Variants in ZFPM2 observed in about 807,000 individuals in gnomAD.
ZFPM2 encodes the protein zinc finger protein, FOG family member 2.
Under a neutral mutation model 98.6 loss-of-function variants are expected in ZFPM2, and 20 were observed. The ratio of observed to expected loss-of-function variants is 0.20; its 90% CI spans 0.14 to 0.29. The LOEUF (loss-of-function observed/expected upper bound fraction) is 0.29, where lower values mean the gene tolerates loss of function less well. ZFPM2 is among the 10% of genes least tolerant of loss of function. The pLI is 1.00. For missense variants in ZFPM2, 1,310 were observed against 1,388.6 expected (o/e 0.94, Z 0.90); for synonymous variants, 518 against 502.7 (o/e 1.03, Z -0.41).
chr8:105,451,916 A>T (rs1332243564), intron 3 of ZFPM2, among the ~76,000 whole-genome samples: 1 of 152,224 alleles, frequency 6.6e-6, no homozygotes. Context: ...AAATATGTTC[A>T]CAAAAATATA....
chr8:105,476,404 A>G (rs1209953339), intron 3 of ZFPM2, among the ~76,000 whole-genome samples: 1 of 152,188 alleles, frequency 6.6e-6, no homozygotes, highest in African/African-American at 2.4e-5. Flanking sequence ...GCTCCTTATG[A>G]TAATCTAACT....
chr8:105,685,146 A>G (rs1403866290), intron 5 of ZFPM2, among the ~76,000 whole-genome samples: 3 of 152,120 alleles, frequency 2.0e-5, no homozygotes, highest in Non-Finnish European at 4.4e-5. Flanking sequence ...GACACGGGAA[A>G]TGTTCTATTT....
intron 5 of ZFPM2, among the ~76,000 whole-genome samples, chr8:105,786,856 G>A (rs1813428864): frequency 6.6e-6 from 1 of 152,180 alleles, no homozygotes; most frequent in Non-Finnish European, 1.5e-5. Flanking sequence ...GGGCACCTGA[G>A]TCCAACTCTT....
intron 1 of ZFPM2, among the ~76,000 whole-genome samples, chr8:105,413,356 T>C (rs540815899): frequency 6.6e-6 from 1 of 151,760 alleles, no homozygotes; most frequent in Non-Finnish European, 1.5e-5. Flanking sequence ...TGTAGAGTTT[T>C]GATATATTTG....
intron 5 of ZFPM2, among the ~76,000 whole-genome samples, chr8:105,647,237 G>T (rs912794499): frequency 1.3e-5 from 2 of 152,082 alleles, no homozygotes; most frequent in African/African-American, 2.4e-5. Flanking sequence ...TGTATAATCT[G>T]CCCTGTCTCT....
At chr8:105,779,588 G>A (rs1022215072) in intron 5 of ZFPM2, among the ~76,000 whole-genome samples, 13 of 152,102 alleles carry the variant, frequency 8.5e-5, no homozygotes, top group Admixed American at 7.2e-4. Context: ...AGGTATGGTC[G>A]AACAATATAA....
intron 5 of ZFPM2, among the ~76,000 whole-genome samples, chr8:105,773,712 T>C (rs1813036149): frequency 6.6e-6 from 1 of 150,948 alleles, no homozygotes; most frequent in Non-Finnish European, 1.5e-5. Flanking sequence ...ATAAATAAAA[T>C]AAACAAAACC....
chr8:105,442,298 C>T (rs1250535443), intron 2 of ZFPM2, among the ~76,000 whole-genome samples: 1 of 152,074 alleles, frequency 6.6e-6, no homozygotes, highest in African/African-American at 2.4e-5. Context: ...GAGCCGAGAT[C>T]GCGCCACTGC....
chr8:105,757,173 G>C (rs1812620720), intron 5 of ZFPM2, among the ~76,000 whole-genome samples: 1 of 152,088 alleles, frequency 6.6e-6, no homozygotes, highest in African/African-American at 2.4e-5. Context: ...ATTGCTCCCT[G>C]AGAGAATACT....
At chr8:105,594,298 A>C (rs1197665230) in intron 4 of ZFPM2, among the ~76,000 whole-genome samples, 1 of 152,084 alleles carries the variant, frequency 6.6e-6, no homozygotes, top group Admixed American at 6.6e-5. Flanking sequence ...AATTTCTAGA[A>C]GATTCCTTAT....
At chr8:105,566,280 C>A (rs2130710305) in intron 4 of ZFPM2, among the ~76,000 whole-genome samples, 1 of 152,110 alleles carries the variant, frequency 6.6e-6, no homozygotes, top group Non-Finnish European at 1.5e-5. Flanking sequence ...AAAATTGATA[C>A]CAGTGAGGGA....
At chr8:105,569,075 C>T (rs1815301728) in intron 4 of ZFPM2, among the ~76,000 whole-genome samples, 1 of 152,096 alleles carries the variant, frequency 6.6e-6, no homozygotes, top group African/African-American at 2.4e-5. Context: ...TCTCTGAAGC[C>T]TCCTGTCTGG....
chr8:105,452,626 C>T (rs1270790650), intron 3 of ZFPM2, among the ~76,000 whole-genome samples: 1 of 151,850 alleles, frequency 6.6e-6, no homozygotes, highest in Non-Finnish European at 1.5e-5. Flanking sequence ...GTGACTGGCA[C>T]CTGTGGTCCA....
At chr8:105,480,627 A>C (rs1389170821) in intron 3 of ZFPM2, among the ~76,000 whole-genome samples, 2 of 152,224 alleles carry the variant, frequency 1.3e-5, no homozygotes, top group Non-Finnish European at 2.9e-5. Context: ...AAATTAATTC[A>C]AGAAAAAAAG....
intron 5 of ZFPM2, among the ~76,000 whole-genome samples, chr8:105,689,428 A>G (rs541744586): frequency 6.6e-6 from 1 of 152,352 alleles, no homozygotes; most frequent in South Asian, 2.1e-4. Flanking sequence ...CAGTTATAAT[A>G]AATGCTAAAT....
chr8:105,643,736 C>G (rs1223926700), intron 5 of ZFPM2, among the ~76,000 whole-genome samples: 1 of 152,162 alleles, frequency 6.6e-6, no homozygotes, highest in African/African-American at 2.4e-5. Context: ...CTTCAAGGTA[C>G]TATTTCAGAC....
rs748031973 is a variant in ZFPM2, at chr8:105,802,677, G to C, written c.2595G>C (p.Lys865Asn). Residue 865 changes from lysine to asparagine, a missense_variant, in exon 8 of 8, where the codon AAG (lysine) becomes AAC (asparagine). Lys to Asn is a moderately conservative substitution (Grantham distance 94, BLOSUM62 0). Coordinates refer to ENST00000407775, the MANE Select transcript of ZFPM2 (RefSeq NM_012082.4). ...ECTVCKISFN[K>N]VENYLAHKQN... ...CTGTGTGCAAGATCAGTTTCAATAA[G>C]GTAGAAAACTATCTGGCCCACAAGC... 2.5e-6 allele frequency: 4 copies of C among 1,611,034 alleles called. No homozygotes were observed. Among genetic ancestry groups the C allele is most frequent in the Non-Finnish European group, 3.4e-6 (4 of 1,178,594 alleles).
intron 1 of ZFPM2, among the ~76,000 whole-genome samples, chr8:105,344,023 A>G (rs934114257): frequency 7.9e-5 from 12 of 152,272 alleles, no homozygotes; most frequent in African/African-American, 2.9e-4. Context: ...GATTTCTTAC[A>G]TGCAGTGGGC....
intron 3 of ZFPM2, among the ~76,000 whole-genome samples, chr8:105,463,261 ATC>A (rs1237036344): frequency 2.0e-5 from 3 of 149,576 alleles, no homozygotes; most frequent in African/African-American, 4.9e-5. Flanking sequence ...TATATAAACC[ATC>A]TCTCTATATT....
Sources: allele counts gnomAD v4.1 joint callset (sites outside exome capture counted in the v4.1 genomes callset), GRCh38; gene constraint gnomAD v4.1.1; transcripts MANE v1.5; gene names NCBI Gene and HGNC (gene_info 2026-07-23, HGNC 2026-07-21).